Variants in SLCO3A1 observed in about 807,000 individuals in gnomAD.
SLCO3A1 encodes the protein PGE1 transporter.
SLCO3A1 carries 27 observed loss-of-function variants against 63.1 expected under a neutral mutation model. That is an observed-to-expected ratio of 0.43 (90% CI 0.32 to 0.59). The LOEUF (loss-of-function observed/expected upper bound fraction) is 0.59, where lower values mean the gene tolerates loss of function less well. Among genes scored for constraint, SLCO3A1 ranks in the 20% least tolerant of loss-of-function variants. The pLI is 0.09. For missense variants in SLCO3A1, 773 were observed against 945.8 expected, an observed-to-expected ratio of 0.82 and a Z score of 2.40; for synonymous variants, 473 against 409.9, an observed-to-expected ratio of 1.15 and a Z score of -1.86.
At chr15:91,931,157 A>G (rs1899214196) in intron 2 of SLCO3A1, among the ~76,000 whole-genome samples, 1 of 152,204 alleles carries the variant, frequency 6.6e-6, no homozygotes, top group Admixed American at 6.5e-5. Context: ...ACTGTTAGAG[A>G]AAAGAAACAA....
In SLCO3A1 at chr15:92,066,910, A is replaced by G. The variant is rs562040907; in HGVS notation, c.647-27971A>G. Among the ~76,000 whole-genome samples, 6 of 152,314 alleles carry G rather than the reference A, an allele frequency of 3.9e-5. No individual in the cohort carries two copies. In the South Asian group the frequency reaches 1.2e-3, roughly 32 times the overall value. On this transcript the variant is annotated intron_variant, in intron 2 of 9. Transcript: ENST00000318445. ...TCAATATTGCAACTTCTCTGTGCGT[A>G]GGAAACTCCCTAACTCAAACCTGAA...
Position 92,047,600 on chromosome 15 carries a change from AATATATATAT to A in SLCO3A1, c.647-47279_647-47270del. On this transcript the variant is annotated intron_variant, in intron 2 of 9. Coordinates refer to ENST00000318445, the MANE Select transcript of SLCO3A1 (RefSeq NM_013272.4). ...TATATATAATATATATATAATATATAATATATATATAATATATAAATATATATATAAATAT... is the reference window on the plus strand; with the variant it reads ...TATATATAATATATATATAATATATAAATATATAAATATATATATAAATAT... Among the ~76,000 whole-genome samples the A allele has an allele frequency of 1.3e-4, 2 of 15,014 alleles. 1 individual carries two copies. The highest frequency in any genetic ancestry group is 4.2e-4 in the Non-Finnish European group (2 of 4,776). 9.8% of individuals were successfully genotyped at this position (15,014 alleles called of 152,430 possible).
chr15:91,983,961 G>A (rs17644156), intron 2 of SLCO3A1, among the ~76,000 whole-genome samples: 32,185 of 152,092 alleles, frequency 0.21, 3,872 homozygotes, highest in East Asian at 0.38. Flanking sequence ...AATCAAGGAG[G>A]AAAATCAAGA....
chr15:92,014,660 TAAC>T (rs1373087712), intron 2 of SLCO3A1, among the ~76,000 whole-genome samples: 2 of 152,202 alleles, frequency 1.3e-5, no homozygotes, highest in East Asian at 3.9e-4. Context: ...AAAATCAAAT[TAAC>T]AACATTTATT....
chr15:92,103,294 C>T (rs953050982), intron 3 of SLCO3A1, among the ~76,000 whole-genome samples: 4 of 152,088 alleles, frequency 2.6e-5, no homozygotes, highest in Admixed American at 2.6e-4. Context: ...TTCTAAGCAG[C>T]TCACCTGGGA....
rs574522787 is a variant in SLCO3A1 at position 91,880,697 on chromosome 15, A to C, written c.180+26609A>C. Reference sequence around the variant, plus strand: ...AAGTTGTTGCATATATCAATAATTCATTTCTTTTTATTGCAGAGTGATATT... The same window carrying C: ...AAGTTGTTGCATATATCAATAATTCCTTTCTTTTTATTGCAGAGTGATATT... On this transcript the variant is annotated intron_variant, in intron 1 of 9. Transcript: ENST00000318445. 7.3e-5 allele frequency among the ~76,000 whole-genome samples: 11 copies of C among 151,522 alleles called. No individual in the cohort carries two copies. The South Asian group carries it at 2.3e-3, about 32-fold the overall frequency.
At chr15:91,974,265 GTTATTATTATTATTA>G (rs56317875) in intron 2 of SLCO3A1, among the ~76,000 whole-genome samples, 1 of 142,958 alleles carries the variant, frequency 7.0e-6, no homozygotes, top group Non-Finnish European at 1.5e-5. Context: ...TTTCATTATT[GTTATTATTATTATTA>G]TTATTATTAT....
chr15:92,007,497 G>C (rs2046325452), intron 2 of SLCO3A1, among the ~76,000 whole-genome samples: 1 of 152,194 alleles, frequency 6.6e-6, no homozygotes, highest in African/African-American at 2.4e-5. Context: ...AGGAAGAGGA[G>C]TCACTGAATA....
chr15:92,110,736 T>C (rs1461718955), intron 4 of SLCO3A1, among the ~76,000 whole-genome samples: 1 of 152,242 alleles, frequency 6.6e-6, no homozygotes, highest in Non-Finnish European at 1.5e-5. Context: ...GCAGTTGTTT[T>C]TTCTCATGTC....
At chr15:92,137,666 C>G (rs2048076372) in intron 7 of SLCO3A1, among the ~76,000 whole-genome samples, 1 of 108,664 alleles carries the variant, frequency 9.2e-6, no homozygotes, top group African/African-American at 5.0e-5. Context: ...GATTGCCATT[C>G]TAACTGGTGT....
At chr15:92,018,290 G>T (rs1256803049) in intron 2 of SLCO3A1, among the ~76,000 whole-genome samples, 1 of 152,206 alleles carries the variant, frequency 6.6e-6, no homozygotes, top group African/African-American at 2.4e-5. Flanking sequence ...AGGGGCTGCT[G>T]TCAGCACCAT....
Position 91,860,424 on chromosome 15 carries a change from T to C in SLCO3A1, c.180+6336T>C, listed in dbSNP as rs1897019472. On this transcript the variant is annotated intron_variant, in intron 1 of 9. Transcript: ENST00000318445. The surrounding 1 kb of genome is among the most constrained non-coding windows in gnomAD (Gnocchi z 5.5). ...GTTGTGAGGTTTAAACAAATAGTCA[T>C]GTGATAGAGTACTTCTCATAGGGTA... is the stretch of plus-strand genomic sequence containing the variant. 6.6e-6 allele frequency among the ~76,000 whole-genome samples: 1 copy of C among 152,232 alleles called. No homozygotes were observed. The highest frequency in any genetic ancestry group is 1.5e-5 in the Non-Finnish European group (1 of 68,046).
chr15:91,914,253 C>T (rs1184392437), intron 1 of SLCO3A1, among the ~76,000 whole-genome samples: 1 of 152,214 alleles, frequency 6.6e-6, no homozygotes, highest in African/African-American at 2.4e-5. Flanking sequence ...TCTCTCCATG[C>T]ACTCCTGCCA....
At chr15:91,998,975 T>C (rs2046222714) in intron 2 of SLCO3A1, among the ~76,000 whole-genome samples, 1 of 152,260 alleles carries the variant, frequency 6.6e-6, no homozygotes, top group Non-Finnish European at 1.5e-5. Flanking sequence ...AATGAAGTCA[T>C]GTCCTTTGTA....
chr15:92,098,918 A>G (rs1199539254), intron 3 of SLCO3A1, among the ~76,000 whole-genome samples: 1 of 152,210 alleles, frequency 6.6e-6, no homozygotes. Context: ...GAAATCCGAG[A>G]GAGGTTAACA....
chr15:92,037,359 G>C (rs1223772129), intron 2 of SLCO3A1, among the ~76,000 whole-genome samples: 1 of 152,186 alleles, frequency 6.6e-6, no homozygotes, highest in African/African-American at 2.4e-5. Flanking sequence ...CTGATGCTCA[G>C]AGACTGATGC....
rs1465515885 is a variant in SLCO3A1, at chr15:91,948,001, C to G, written c.646+31543C>G. On this transcript the variant is annotated intron_variant, in intron 2 of 9. Transcript: ENST00000318445. This position sits in a 1 kb window ranked among gnomAD's most constrained non-coding sequence, Gnocchi z 4.8. ...CAGTTCCATGTGAGAATTGTTTATC[C>G]TCCCAACTAGGTGTTCCAGCAGGGC... Among the ~76,000 whole-genome samples the G allele has an allele frequency of 6.6e-6, 1 of 152,150 alleles. No homozygotes were observed. The highest frequency in any genetic ancestry group is 1.5e-5 in the Non-Finnish European group (1 of 68,036).
rs561809138 is a variant in SLCO3A1, at chr15:91,964,233, C to G, written c.646+47775C>G. Among the ~76,000 whole-genome samples the G allele has an allele frequency of 1.1e-4, 16 of 152,206 alleles. No homozygotes were observed. The East Asian group carries it at 2.9e-3, about 28-fold the overall frequency. ...ATGGAACCTGGAATGTTCCATTAAT[C>G]ACAAGACTTCTGTGTGATTGCTCAG... is the stretch of plus-strand genomic sequence containing the variant. On this transcript the variant is annotated intron_variant, in intron 2 of 9. Coordinates refer to ENST00000318445, the MANE Select transcript of SLCO3A1 (RefSeq NM_013272.4).
At chr15:91,969,845 G>T (rs1900794676) in intron 2 of SLCO3A1, among the ~76,000 whole-genome samples, 1 of 152,162 alleles carries the variant, frequency 6.6e-6, no homozygotes, top group Non-Finnish European at 1.5e-5. Context: ...CACAGACCTA[G>T]AATGAGTTGC....
Sources: allele counts gnomAD v4.1 joint callset (sites outside exome capture counted in the v4.1 genomes callset), GRCh38; gene constraint gnomAD v4.1.1; non-coding constraint Gnocchi (gnomAD v3.1); transcripts MANE v1.5; gene names NCBI Gene and HGNC (gene_info 2026-07-23, HGNC 2026-07-21).